ZNF385D: variants seen among roughly 807,000 people sequenced by gnomAD.
ZNF385D encodes the protein zinc finger protein 385D.
ZNF385D carries 15 observed loss-of-function variants against 35.8 expected under a neutral mutation model. The observed-to-expected ratio is 0.42, with a 90% CI of 0.28 to 0.64. The LOEUF (loss-of-function observed/expected upper bound fraction) is 0.64. Ranked by LOEUF, ZNF385D falls within the 30% of genes least tolerant of loss-of-function variation. ZNF385D has a pLI of 0.23. For synonymous variants in ZNF385D, 212 were observed against 186.8 expected (o/e 1.13, Z -1.10); for missense variants, 474 against 494.6 (o/e 0.96, Z 0.39).
At chr3:21,605,546 G>C (rs1003829322) in intron 2 of ZNF385D, among the ~76,000 whole-genome samples, 1 of 152,294 alleles carries the variant, frequency 6.6e-6, no homozygotes, top group Admixed American at 6.5e-5. Flanking sequence ...GCGTAAGCTA[G>C]TTAATGAAGC....
At chr3:21,746,186 G>A (rs1408904559) in intron 1 of ZNF385D, among the ~76,000 whole-genome samples, 1 of 152,084 alleles carries the variant, frequency 6.6e-6, no homozygotes, top group Non-Finnish European at 1.5e-5. Flanking sequence ...TTTGTTTTTT[G>A]GAACAACTAT....
rs181057610 is a variant in ZNF385D, at chr3:22,177,622, G to A, written c.107-8587C>T. On this transcript the variant is annotated intron_variant, in intron 2 of 5. Transcript: ENST00000494108. ...TATACTTTTAAGTTTCAGGGTTTAAGTGCACAATGTGCAGGTTTGTTACAT... is the reference window on the plus strand; with the variant it reads ...TATACTTTTAAGTTTCAGGGTTTAAATGCACAATGTGCAGGTTTGTTACAT... Among the ~76,000 whole-genome samples, 508 of 152,242 alleles carry A rather than the reference G, an allele frequency of 3.3e-3. 6 individuals carry two copies. The highest frequency in any genetic ancestry group is 5.1e-3 in the Non-Finnish European group (345 of 68,020).
At chr3:21,885,791 G>A (rs1313904766) in intron 3 of ZNF385D, among the ~76,000 whole-genome samples, 2 of 147,550 alleles carry the variant, frequency 1.4e-5, no homozygotes, top group Non-Finnish European at 3.0e-5. Context: ...AAGAAAGAGA[G>A]ACCGATTTAT....
chr3:21,564,304 C>T (rs566111875), intron 3 of ZNF385D, among the ~76,000 whole-genome samples: 2 of 152,114 alleles, frequency 1.3e-5, no homozygotes, highest in South Asian at 2.1e-4. Flanking sequence ...CTACATGTAC[C>T]ATTCCCAAAA....
intron 3 of ZNF385D, among the ~76,000 whole-genome samples, chr3:21,766,483 A>C (rs1158195227): frequency 6.6e-6 from 1 of 152,140 alleles, no homozygotes; most frequent in Non-Finnish European, 1.5e-5. Flanking sequence ...GTGTTTGAGG[A>C]AAGAGTACGA....
intron 3 of ZNF385D, among the ~76,000 whole-genome samples, chr3:21,984,537 G>T (rs1237789439): frequency 8.0e-6 from 1 of 124,576 alleles, no homozygotes; most frequent in African/African-American, 3.3e-5. Context: ...CTCTGTTTTG[G>T]TACCAGTACC....
chr3:21,420,504 T>C lies in ZNF385D; in HGVS notation c.*710A>G. The C allele has an allele frequency of 6.6e-6, 1 of 152,178 alleles. No individual in the cohort carries two copies. Among genetic ancestry groups the C allele is most frequent in the East Asian group, 1.9e-4 (1 of 5,190 alleles). The allele number at this position is 152,178 out of a possible 1,614,324, so 9.4% of individuals were successfully genotyped here. On this transcript the variant is annotated 3_prime_UTR_variant, in exon 8 of 8. Coordinates refer to ENST00000281523, the MANE Select transcript of ZNF385D (RefSeq NM_024697.3). ...CATCTCTAAGCTTAGCCCTGTTATA[T>C]CTTCAAGCTAGACAGGAGGGGAGAA...
At chr3:22,011,611 T>C (rs977296866) in intron 3 of ZNF385D, among the ~76,000 whole-genome samples, 2 of 152,144 alleles carry the variant, frequency 1.3e-5, no homozygotes, top group African/African-American at 4.8e-5. Flanking sequence ...TTTTGTAATC[T>C]AAATAATAGT....
chr3:21,651,175 C>G (rs1239782537), intron 2 of ZNF385D, among the ~76,000 whole-genome samples: 1 of 149,614 alleles, frequency 6.7e-6, no homozygotes, highest in Non-Finnish European at 1.5e-5. Context: ...GTAGTCCCAG[C>G]TACTCGGGAG....
chr3:21,427,150 A>C (rs1701058388), intron 5 of ZNF385D, among the ~76,000 whole-genome samples: 2 of 152,182 alleles, frequency 1.3e-5, no homozygotes, highest in African/African-American at 4.8e-5. Flanking sequence ...TGCAGCTGCA[A>C]ATGACATAAG....
chr3:21,648,973 C>T (rs2065833520), intron 2 of ZNF385D, among the ~76,000 whole-genome samples: 1 of 152,048 alleles, frequency 6.6e-6, no homozygotes, highest in South Asian at 2.1e-4. Context: ...AGTAACTTTC[C>T]CTACATTATA....
intron 2 of ZNF385D, among the ~76,000 whole-genome samples, chr3:21,649,868 C>G (rs1043438604): frequency 1.3e-5 from 2 of 152,048 alleles, no homozygotes; most frequent in African/African-American, 4.8e-5. Flanking sequence ...TTTTGCTTGT[C>G]TCTTTATAAA....
chr3:21,919,430 A>G (rs904179232), intron 3 of ZNF385D, among the ~76,000 whole-genome samples: 5 of 152,180 alleles, frequency 3.3e-5, no homozygotes, highest in Admixed American at 1.3e-4. Flanking sequence ...GCATTTACCA[A>G]TAGTCACTGA....
chr3:21,427,362 A>G (rs1396778708), intron 5 of ZNF385D, among the ~76,000 whole-genome samples: 1 of 152,190 alleles, frequency 6.6e-6, no homozygotes, highest in African/African-American at 2.4e-5. Context: ...CTAAGAAGTT[A>G]GTTGGAGATT....
At chr3:22,120,814 G>A (rs1703053557) in intron 3 of ZNF385D, among the ~76,000 whole-genome samples, 1 of 152,034 alleles carries the variant, frequency 6.6e-6, no homozygotes. Flanking sequence ...ATAACCATAA[G>A]ACATTTCATA....
At chr3:21,764,273 G>A (rs1485328910) in intron 3 of ZNF385D, among the ~76,000 whole-genome samples, 5 of 152,138 alleles carry the variant, frequency 3.3e-5, no homozygotes, top group South Asian at 2.1e-4. Context: ...GCAGGGGAGA[G>A]TGGTATAGTA....
At chr3:22,362,670 C>A (rs1248777924) in intron 2 of ZNF385D, among the ~76,000 whole-genome samples, 1 of 151,988 alleles carries the variant, frequency 6.6e-6, no homozygotes, top group Non-Finnish European at 1.5e-5. Context: ...GCTTTTTAAA[C>A]TTTTTAAAAG....
At chr3:22,123,989 TTGCTGACTGAACTC>T (rs1163712509) in intron 3 of ZNF385D, among the ~76,000 whole-genome samples, 12 of 142,122 alleles carry the variant, frequency 8.4e-5, no homozygotes, top group African/African-American at 3.1e-4. Flanking sequence ...TATATATATA[TTGCTGACTGAACTC>T]ATCCTGTTGT....
chr3:21,437,351 CAA>C (rs927293779), intron 4 of ZNF385D, 148 bp from the exon 5 acceptor site: 2 of 630,766 alleles, frequency 3.2e-6, no homozygotes, highest in Non-Finnish European at 5.2e-6. Flanking sequence ...AATCACCTCA[CAA>C]AAAAATTCAC....
Sources: gnomAD v4.1 joint callset for allele counts (sites outside exome capture counted in the v4.1 genomes callset) on GRCh38, gnomAD v4.1.1 for gene constraint, MANE v1.5 for transcripts, NCBI Gene and HGNC (gene_info 2026-07-23, HGNC 2026-07-21) for gene names.